The following POLR2D variants were observed in gnomAD, a reference collection of about 807,000 sequenced individuals.
The protein encoded by POLR2D is DNA-directed RNA polymerase II subunit RPB4.
A neutral mutation model predicts 17.6 loss-of-function variants in POLR2D; 10 were observed. The ratio of observed to expected loss-of-function variants is 0.57; its 90% confidence interval spans 0.35 to 0.96. POLR2D has a LOEUF of 0.96. Among genes scored for constraint, POLR2D ranks in the 40% least tolerant of loss-of-function variants. The pLI is 0.02. For missense variants in POLR2D, 126 were observed against 176.4 expected (o/e 0.71, Z 1.62); for synonymous variants, 52 against 60.2 (o/e 0.86, Z 0.63).
chr2:127,849,989 G>A (rs1310736358), intron 3 of POLR2D, among the ~76,000 whole-genome samples: 3 of 152,208 alleles, frequency 2.0e-5, no homozygotes, highest in Non-Finnish European at 4.4e-5. Flanking sequence ...GGAACTTGGA[G>A]TATATTCATC....
At chr2:127,854,591 C>G (rs1433652793) in intron 1 of POLR2D, among the ~76,000 whole-genome samples, 1 of 152,120 alleles carries the variant, frequency 6.6e-6, no homozygotes, top group Non-Finnish European at 1.5e-5. Flanking sequence ...TTTTACAACA[C>G]AGATAGTTTT....
Position 127,853,059 on chromosome 2 carries a change from A to G in POLR2D, c.120T>C (p.Leu40=). Residue 40 remains leucine (L), a synonymous_variant, in exon 2 of 4, where the codon CTT becomes CTC. Transcript: ENST00000272645. The part of the protein sequence containing the change: ...ETLLNSEVHM[L]LEHRKQQNES... Reference sequence around the variant, plus strand: ...CATTCTGCTGCTTTCGATGTTCCAGAAGCATATGAACTTCTGAATTTAGAA... The same window carrying G: ...CATTCTGCTGCTTTCGATGTTCCAGGAGCATATGAACTTCTGAATTTAGAA... 1 of 1,613,964 alleles carries G rather than the reference A, an allele frequency of 6.2e-7. No individual in the cohort carries two copies.
At chr2:127,857,738 A>C in intron 1 of POLR2D, 2 of 1,080,098 alleles carry the variant, frequency 1.9e-6, no homozygotes, top group Non-Finnish European at 2.3e-6. Flanking sequence ...GTGCAACAGT[A>C]TATTACTGTT....
At position 127,850,627 on chromosome 2, in the gene POLR2D, G is replaced by T; in HGVS notation, c.313C>A (p.Pro105Thr). 6.3e-7 allele frequency: 1 copy of T among 1,593,428 alleles called. No homozygotes were observed. The highest frequency in any genetic ancestry group is 8.6e-7 in the Non-Finnish European group (1 of 1,167,410). The change falls in exon 3 of 4, where the codon CCA (proline) becomes ACA (threonine). Residue 105 changes from proline (P) to threonine (T), a missense_variant. Pro to Thr is a conservative substitution (Grantham distance 38). Around this residue, in one of 2 missense-constraint regions of POLR2D, gnomAD observed 85 missense variants for 151.4 expected, o/e 0.56. Transcript: ENST00000272645. ...FELACLANLCPETAEESKALI... is the reference protein window; with the variant it reads ...FELACLANLCTETAEESKALI... ...GCCTTGGACTCCTCAGCAGTCTCTG[G>T]GCAAAGGTTGGCCAAACAGGCCAAC...
In POLR2D at chr2:127,847,960, C is replaced by T; in HGVS notation, c.*147G>A. The T allele has an allele frequency of 2.9e-6, 2 of 692,154 alleles. No individual in the cohort carries two copies. The highest frequency in any genetic ancestry group is 2.6e-6 in the Non-Finnish European group (1 of 377,582). 42.9% of individuals were successfully genotyped at this position (692,154 alleles called of 1,614,324 possible). Reference sequence around the variant, plus strand: ...CCTGTGAGTTATTTGAAACAGCAACCTAACCCCACGCCAAGCTGGGCTGTT... The same window carrying T: ...CCTGTGAGTTATTTGAAACAGCAACTTAACCCCACGCCAAGCTGGGCTGTT... On this transcript the variant is annotated 3_prime_UTR_variant, in exon 4 of 4. Transcript: ENST00000272645.
In POLR2D at chr2:127,844,581, T is replaced by G. The variant is rs547147593; in HGVS notation, c.*3526A>C. The G allele has an allele frequency of 3.9e-5, 6 of 152,238 alleles. No homozygotes were observed. Among genetic ancestry groups the G allele is most frequent in the Non-Finnish European group, 5.9e-5 (4 of 68,040 alleles). 9.4% of individuals were successfully genotyped at this position (152,238 alleles called of 1,614,324 possible). Reference sequence around the variant, plus strand: ...AACAATTTTTGACTGTCTTGCAGAATAGCTGACCAGGCTTTCAACCTACAA... The same window carrying G: ...AACAATTTTTGACTGTCTTGCAGAAGAGCTGACCAGGCTTTCAACCTACAA... On this transcript the variant is annotated 3_prime_UTR_variant, in exon 4 of 4. Coordinates refer to ENST00000272645, the MANE Select transcript of POLR2D (RefSeq NM_004805.4).
intron 1 of POLR2D, among the ~76,000 whole-genome samples, chr2:127,853,577 G>C (rs1283067335): frequency 1.3e-5 from 2 of 151,730 alleles, no homozygotes; most frequent in African/African-American, 4.8e-5. Context: ...TTTTGAGACA[G>C]AGTCTCAATC....
rs924373671 is a variant in POLR2D at position 127,846,258 on chromosome 2, T to C, written c.*1849A>G. The C allele has an allele frequency of 1.3e-5, 2 of 150,584 alleles. No individual in the cohort carries two copies. Among genetic ancestry groups the C allele is most frequent in the African/African-American group, 5.0e-5 (2 of 39,986 alleles). 9.3% of individuals were successfully genotyped at this position (150,584 alleles called of 1,614,324 possible). A position where few individuals can be genotyped will look rare whatever the true frequency, so the allele number is the denominator to read the frequency against. ...GCCAGACTCTATCTCAAAAAATAAA[T>C]AAATAAATAAAAATAAGAATTTTTT... On this transcript the variant is annotated 3_prime_UTR_variant, in exon 4 of 4. Transcript: ENST00000272645.
Position 127,852,162 on chromosome 2 carries a change from T to C in POLR2D, c.254+763A>G, listed in dbSNP as rs7604802. On this transcript the variant is annotated intron_variant, in intron 2 of 3. Transcript: ENST00000272645. This position sits in a 1 kb window ranked among gnomAD's most constrained non-coding sequence, Gnocchi z 4.0. The stretch of plus-strand genomic sequence containing the variant: ...GAGTTTGAGACCAGCCTGGACAACA[T>C]AGTAAGTCTCCCCATCTCTAAAAAA... Among the ~76,000 whole-genome samples, 36,608 of 152,072 alleles carry C rather than the reference T, an allele frequency of 0.24. 5,647 individuals carry two copies. Among genetic ancestry groups the C allele is most frequent in the South Asian group, 0.5 (2,429 of 4,818 alleles).
intron 3 of POLR2D, 99 bp downstream of exon 3, chr2:127,850,491 A>T: frequency 4.2e-6 from 2 of 473,978 alleles, no homozygotes; most frequent in Non-Finnish European, 7.8e-6. Context: ...ATTGGCAATT[A>T]TGTACCCAAA....
intron 1 of POLR2D, among the ~76,000 whole-genome samples, chr2:127,856,309 A>AAAAAAAAAAAAG: frequency 6.8e-6 from 1 of 147,166 alleles, no homozygotes. Context: ...AAAAAAAAAA[A>AAAAAAAAAAAAG]GGCAGGGTGA....
intron 2 of POLR2D, among the ~76,000 whole-genome samples, chr2:127,851,197 C>G (rs1690247274): frequency 1.3e-5 from 2 of 152,016 alleles, no homozygotes; most frequent in Admixed American, 1.3e-4. Flanking sequence ...GCCTGGGTGA[C>G]AGAACTAGAC....
intron 1 of POLR2D, among the ~76,000 whole-genome samples, chr2:127,857,596 T>C (rs957982220): frequency 3.9e-5 from 6 of 152,196 alleles, no homozygotes; most frequent in African/African-American, 7.2e-5. Context: ...CCCGCTTTTT[T>C]ACATTTCTCA....
At chr2:127,849,233 G>T (rs1558981110) in intron 3 of POLR2D, among the ~76,000 whole-genome samples, 1 of 151,496 alleles carries the variant, frequency 6.6e-6, no homozygotes, top group Non-Finnish European at 1.5e-5. Context: ...AGTAGAGATG[G>T]AGTTCCACCA....
At position 127,852,756 on chromosome 2, in the gene POLR2D, G is replaced by C. The variant is rs1381622534; in HGVS notation, c.254+169C>G. 6.6e-6 allele frequency among the ~76,000 whole-genome samples: 1 copy of C among 152,172 alleles called. No homozygotes were observed. The highest frequency in any genetic ancestry group is 1.9e-4 in the East Asian group (1 of 5,200). ...GCTGGTCTTGAACACCTGGCCTCAA[G>C]TGATCTGCTGCCTCAACCTTCCAAA... On this transcript the variant is annotated intron_variant, in intron 2 of 3. Transcript: ENST00000272645. The surrounding 1 kb of genome is among the most constrained non-coding windows in gnomAD (Gnocchi z 4.0).
At position 127,846,260 on chromosome 2, in the gene POLR2D, A is replaced by C. The variant is rs1690152899; in HGVS notation, c.*1847T>G. ...CAGACTCTATCTCAAAAAATAAATA[A>C]ATAAATAAAAATAAGAATTTTTTAT... On this transcript the variant is annotated 3_prime_UTR_variant, in exon 4 of 4. Coordinates refer to ENST00000272645, the MANE Select transcript of POLR2D (RefSeq NM_004805.4). The C allele has an allele frequency of 6.6e-6, 1 of 150,570 alleles. No homozygotes were observed. Among genetic ancestry groups the C allele is most frequent in the African/African-American group, 2.5e-5 (1 of 39,886 alleles). The allele number at this position is 150,570 out of a possible 1,614,324, so 9.3% of individuals were successfully genotyped here.
chr2:127,848,106 A>G lies in POLR2D; in HGVS notation c.*1T>C. ...CTCCGAGCAGCAGTGATGTTTGGAG[A>G]TTAATACTGAAAGCTGCGCTTTGTC... On this transcript the variant is annotated 3_prime_UTR_variant, in exon 4 of 4. Transcript: ENST00000272645. 5 of 1,599,638 alleles carry G rather than the reference A, an allele frequency of 3.1e-6. No homozygotes were observed. The highest frequency in any genetic ancestry group is 4.3e-6 in the Non-Finnish European group (5 of 1,166,846).
Position 127,848,028 on chromosome 2 carries a change from G to C in POLR2D, c.*79C>G. The C allele has an allele frequency of 3.1e-6, 3 of 982,442 alleles. No homozygotes were observed. The highest frequency in any genetic ancestry group is 4.9e-6 in the Non-Finnish European group (3 of 606,454). 60.9% of individuals were successfully genotyped at this position (982,442 alleles called of 1,614,324 possible). A position where few individuals can be genotyped will look rare whatever the true frequency, so the allele number is the denominator to read the frequency against. ...CAACTGTCTTCAACAGAATTTCTGT[G>C]CAAGTCAGCCCCAGACAGTGGGAAG... On this transcript the variant is annotated 3_prime_UTR_variant, in exon 4 of 4. Transcript: ENST00000272645.
At chr2:127,850,277 C>A (rs541398313) in intron 3 of POLR2D, among the ~76,000 whole-genome samples, 1 of 151,870 alleles carries the variant, frequency 6.6e-6, no homozygotes, top group East Asian at 2.0e-4. Context: ...CCCATCTCTA[C>A]TAAAAACACA....
Sources: allele counts gnomAD v4.1 joint callset (sites outside exome capture counted in the v4.1 genomes callset), GRCh38; gene constraint gnomAD v4.1.1; regional missense constraint gnomAD v4.1.1; non-coding constraint Gnocchi (gnomAD v3.1); transcripts MANE v1.5; gene names NCBI Gene and HGNC (gene_info 2026-07-23, HGNC 2026-07-21).